The following FBXL13 variants were observed in gnomAD, a reference collection of about 807,000 sequenced individuals.
The protein encoded by FBXL13 is F-box and leucine rich repeat protein 13.
FBXL13 carries 67 observed loss-of-function variants against 83.6 expected under a neutral mutation model. That is an observed-to-expected ratio of 0.80 (90% CI 0.66 to 0.98). The LOEUF (loss-of-function observed/expected upper bound fraction) is 0.98. Ranked by LOEUF, FBXL13 falls within the 50% of genes least tolerant of loss-of-function variation. The pLI, the probability that FBXL13 is intolerant of heterozygous loss-of-function variation, is 0.00. For synonymous variants in FBXL13, 272 were observed against 299.5 expected (o/e 0.91, Z 0.95); for missense variants, 822 against 866.5 (o/e 0.95, Z 0.64).
intron 1 of FBXL13, among the ~76,000 whole-genome samples, chr7:103,064,457 G>A (rs1242012446): frequency 6.6e-6 from 1 of 152,194 alleles, no homozygotes; most frequent in African/African-American, 2.4e-5. Flanking sequence ...TCTGCTCCTG[G>A]AGAACATGGG....
At chr7:102,830,324 A>C (rs1800436067) in intron 18 of FBXL13, among the ~76,000 whole-genome samples, 1 of 152,198 alleles carries the variant, frequency 6.6e-6, no homozygotes, top group Non-Finnish European at 1.5e-5. Context: ...CCCAGTCTCC[A>C]TCTGTGCCTG....
chr7:102,822,808 C>T (rs1159771748), intron 18 of FBXL13, among the ~76,000 whole-genome samples: 2 of 152,196 alleles, frequency 1.3e-5, no homozygotes, highest in South Asian at 4.1e-4. Flanking sequence ...CACAGTGGCT[C>T]ATGCCTATGA....
At chr7:102,999,105 T>C (rs1218351405) in intron 6 of FBXL13, among the ~76,000 whole-genome samples, 1 of 151,820 alleles carries the variant, frequency 6.6e-6, no homozygotes, top group East Asian at 1.9e-4. Context: ...TATACCCAAA[T>C]TGTTGAGGGT....
At chr7:103,015,401 C>A (rs1478241781) in intron 6 of FBXL13, among the ~76,000 whole-genome samples, 1 of 152,160 alleles carries the variant, frequency 6.6e-6, no homozygotes, top group Non-Finnish European at 1.5e-5. Flanking sequence ...AAGTCAAACT[C>A]CCTGTTTGCA....
intron 6 of FBXL13, among the ~76,000 whole-genome samples, chr7:102,976,502 C>G (rs537282008): frequency 2.0e-5 from 3 of 152,196 alleles, no homozygotes; most frequent in Non-Finnish European, 4.4e-5. Flanking sequence ...TAATACCCAA[C>G]GCATCAACCC....
Position 102,912,280 on chromosome 7 carries a change from A to G in FBXL13, c.1008+806T>C, listed in dbSNP as rs74709045. Among the ~76,000 whole-genome samples, 2,118 of 152,302 alleles carry G rather than the reference A, an allele frequency of 0.014. 117 individuals are homozygous for G. In the East Asian group the frequency reaches 0.16, roughly 12 times the overall value. ...ACACAATGCTTGGCATATGGTAATG[A>G]CTCAAGAAATGATAACTATCAATAT... On this transcript the variant is annotated intron_variant, in intron 11 of 19. Coordinates refer to ENST00000313221, the Ensembl canonical transcript of FBXL13.
chr7:103,001,110 C>T (rs9649252), intron 6 of FBXL13, among the ~76,000 whole-genome samples: 2 of 151,648 alleles, frequency 1.3e-5, no homozygotes, highest in Admixed American at 6.6e-5. Context: ...ACACCCAGTT[C>T]TATATATATA....
chr7:102,986,844 C>T (rs1387423689), intron 6 of FBXL13, among the ~76,000 whole-genome samples: 1 of 151,704 alleles, frequency 6.6e-6, no homozygotes, highest in Non-Finnish European at 1.5e-5. Flanking sequence ...GTTTATCACA[C>T]CATAATTCAC....
At chr7:102,998,580 C>T (rs1354937920) in intron 6 of FBXL13, among the ~76,000 whole-genome samples, 3 of 152,002 alleles carry the variant, frequency 2.0e-5, no homozygotes, top group Admixed American at 6.6e-5. Context: ...TAAATGCTAC[C>T]GATTTTAATA....
chr7:102,885,814 T>A (rs868774031), intron 11 of FBXL13, among the ~76,000 whole-genome samples: 1 of 152,156 alleles, frequency 6.6e-6, no homozygotes, highest in African/African-American at 2.4e-5. Context: ...GAGGTAGGGG[T>A]CCAACTTCAC....
At chr7:103,010,223 C>T (rs1791454382) in intron 6 of FBXL13, among the ~76,000 whole-genome samples, 1 of 151,854 alleles carries the variant, frequency 6.6e-6, no homozygotes, top group African/African-American at 2.4e-5. Context: ...AACAGGCAGA[C>T]AATGCCTGCT....
intron 8 of FBXL13, 117 bp from the exon 10 acceptor site, chr7:102,932,050 G>A (rs1819284540): frequency 1.1e-6 from 1 of 923,986 alleles, no homozygotes; most frequent in African/African-American, 1.7e-5. Context: ...ACCTTGGCAA[G>A]TAACATGTTC....
At chr7:102,921,143 C>T (rs761992196) in intron 10 of FBXL13, among the ~76,000 whole-genome samples, 3 of 151,434 alleles carry the variant, frequency 2.0e-5, no homozygotes, top group African/African-American at 4.9e-5. Context: ...CAGGGCGAGA[C>T]TCCGTCTCAA....
chr7:102,926,390 A>C lies in FBXL13; in HGVS notation c.778-16T>G. 3 of 1,597,956 alleles carry C rather than the reference A, an allele frequency of 1.9e-6. No homozygotes were observed. The highest frequency in any genetic ancestry group is 2.6e-6 in the Non-Finnish European group (3 of 1,167,654). ...TTGATTCATCCTGCATGAAAAACAG[A>C]GGGAAGAGGCTTATCAAATTATAGC... On this transcript the variant is annotated splice_polypyrimidine_tract_variant and intron_variant, in intron 9 of 19. Transcript: ENST00000313221.
At chr7:102,944,568 C>G (rs752776711) in intron 8 of FBXL13, 3 of 1,610,802 alleles carry the variant, frequency 1.9e-6, no homozygotes, top group East Asian at 2.2e-5. Context: ...GAGATCACAC[C>G]GCAAAGAAGC....
chr7:102,922,526 A>G (rs189277083), intron 10 of FBXL13, among the ~76,000 whole-genome samples: 31 of 152,326 alleles, frequency 2.0e-4, no homozygotes, highest in Admixed American at 2.0e-3. Context: ...TTTTGCGGAT[A>G]TAAAGGATGT....
intron 2 of FBXL13, among the ~76,000 whole-genome samples, chr7:103,047,262 A>G (rs1476388236): frequency 6.6e-6 from 1 of 152,190 alleles, no homozygotes; most frequent in Non-Finnish European, 1.5e-5. Flanking sequence ...GGATGATTTT[A>G]TCTTTTCCAT....
chr7:102,866,643 G>A (rs568706039), intron 16 of FBXL13, among the ~76,000 whole-genome samples: 2 of 152,226 alleles, frequency 1.3e-5, no homozygotes, highest in East Asian at 3.9e-4. Context: ...CTTTATTTTT[G>A]TGTGTGTTCC....
At chr7:102,959,548 G>A (rs1369540787) in intron 8 of FBXL13, among the ~76,000 whole-genome samples, 1 of 151,852 alleles carries the variant, frequency 6.6e-6, no homozygotes, top group Non-Finnish European at 1.5e-5. Flanking sequence ...GCTCTCTCAT[G>A]CAACTTCATT....
Sources: allele counts gnomAD v4.1 joint callset (sites outside exome capture counted in the v4.1 genomes callset), GRCh38; gene constraint gnomAD v4.1.1; transcripts MANE v1.5; gene names NCBI Gene and HGNC (gene_info 2026-07-23, HGNC 2026-07-21).